The following AFG3L2 variants were observed in gnomAD, a reference collection of about 807,000 sequenced individuals.
The protein encoded by AFG3L2 is AFG3 like matrix AAA peptidase subunit 2.
Under a neutral mutation model 94.5 loss-of-function variants are expected in AFG3L2, and 54 were observed. The ratio of observed to expected loss-of-function variants is 0.57; its 90% CI spans 0.46 to 0.72. AFG3L2 has a LOEUF of 0.72. Ranked by LOEUF, AFG3L2 falls within the 30% of genes least tolerant of loss-of-function variation. The probability of loss-of-function intolerance (pLI) is 0.00; values close to 1 mark genes in which losing one functional copy is unlikely to be tolerated. For missense variants in AFG3L2, 754 were observed against 994.9 expected, an observed-to-expected ratio of 0.76 and a Z score of 3.26; for synonymous variants, 377 against 365.5, an observed-to-expected ratio of 1.03 and a Z score of -0.36.
rs1326739182 is a variant in AFG3L2, at chr18:12,366,968, T to C, written c.549A>G (p.Gly183=). The C allele has an allele frequency of 1.2e-6, 2 of 1,614,068 alleles. No individual in the cohort carries two copies. The highest frequency in any genetic ancestry group is 1.7e-6 in the Non-Finnish European group (2 of 1,180,022). The part of the protein sequence containing the change: ...KDFVNNYLSK[G]VVDRLEVVNK... ...ACCAATCCCATAAAATACTTACTAC[T>C]CCTTTTGAAAGATAGTTATTGACAA... The change falls in exon 5 of 17, where the codon GGA becomes GGG. Residue 183 remains glycine, a synonymous_variant. Transcript: ENST00000269143.
intron 16 of AFG3L2, among the ~76,000 whole-genome samples, chr18:12,332,082 A>G (rs1390877352): frequency 2.0e-5 from 3 of 151,904 alleles, no homozygotes; most frequent in Admixed American, 6.6e-5. Context: ...TAGTGTAAAG[A>G]AAATTAAGCA....
chr18:12,359,124 T>C (rs566286009), intron 7 of AFG3L2, among the ~76,000 whole-genome samples, 181 bp from the exon 8 acceptor site: 1 of 152,348 alleles, frequency 6.6e-6, no homozygotes, highest in African/African-American at 2.4e-5. Flanking sequence ...ATAAGCTCCA[T>C]GGCAACCAAC....
chr18:12,372,170 G>A (rs1302447034), intron 1 of AFG3L2, among the ~76,000 whole-genome samples: 1 of 152,120 alleles, frequency 6.6e-6, no homozygotes, highest in Admixed American at 6.5e-5. Flanking sequence ...CAGGCACAGT[G>A]GCAGGTGCCT....
chr18:12,376,499 C>T (rs1236901184), intron 1 of AFG3L2, among the ~76,000 whole-genome samples: 1 of 152,206 alleles, frequency 6.6e-6, no homozygotes, highest in Non-Finnish European at 1.5e-5. Context: ...ATAGCTAATA[C>T]TGCCAGTCCT....
intron 12 of AFG3L2, among the ~76,000 whole-genome samples, chr18:12,349,634 A>C (rs540060204): frequency 2.0e-5 from 3 of 152,324 alleles, no homozygotes; most frequent in Admixed American, 6.5e-5. Context: ...TTAAGTGAAC[A>C]TAAACCAGGC....
At chr18:12,339,954 A>G (rs1907892885) in intron 15 of AFG3L2, among the ~76,000 whole-genome samples, 1 of 152,128 alleles carries the variant, frequency 6.6e-6, no homozygotes, top group South Asian at 2.1e-4. Flanking sequence ...CAGGAGGCAG[A>G]GGTTGCAGTG....
At chr18:12,332,836 AC>A (rs1907579244) in intron 16 of AFG3L2, among the ~76,000 whole-genome samples, 1 of 9,228 alleles carries the variant, frequency 1.1e-4, no homozygotes, top group South Asian at 1.6e-3. Flanking sequence ...ATTTGCTTAT[AC>A]ACACACACAC....
intron 13 of AFG3L2, 112 bp downstream of exon 13, chr18:12,348,161 G>C: frequency 1.1e-6 from 1 of 887,060 alleles, no homozygotes. Context: ...GTGGGCCCCA[G>C]GGCTGAGTGG....
In AFG3L2 at chr18:12,370,843, AG is replaced by A. The variant is rs778883219; in HGVS notation, c.292+5del. ...AAAATTCAAATATAATATTGTCAAA[AG>A]GTACCTTTTTTCTCTCCCATAACTT... On this transcript the variant is annotated splice_donor_5th_base_variant and intron_variant, in intron 3 of 16. Coordinates refer to ENST00000269143, the MANE Select transcript of AFG3L2 (RefSeq NM_006796.3). The A allele has an allele frequency of 1.9e-6, 3 of 1,557,348 alleles. No individual in the cohort carries two copies. The highest frequency in any genetic ancestry group is 2.7e-6 in the Non-Finnish European group (3 of 1,131,430).
rs781129886 is a variant in AFG3L2, at chr18:12,329,650, G to A, written c.2309C>T (p.Thr770Ile). 1.2e-6 allele frequency: 2 copies of A among 1,614,034 alleles called. No individual in the cohort carries two copies. The highest frequency in any genetic ancestry group is 1.7e-6 in the Non-Finnish European group (2 of 1,180,050). The change falls in exon 17 of 17, where the codon ACC becomes ATC. Residue 770 changes from threonine (T) to isoleucine (I), a missense_variant. Transcript: ENST00000269143. ...VEGTGSLDED[T>I]SLPEGLKDWN... is the part of the protein sequence containing the mutation. ...GTCCTTAAGGCCTTCTGGAAGTGAG[G>A]TGTCCTCATCCAAGCTGCCAGTGCC...
chr18:12,357,109 T>C (rs1157727234), intron 8 of AFG3L2, among the ~76,000 whole-genome samples: 1 of 152,216 alleles, frequency 6.6e-6, no homozygotes, highest in East Asian at 1.9e-4. Flanking sequence ...TCTAACAGTA[T>C]GTAAAGGGTG....
intron 8 of AFG3L2, among the ~76,000 whole-genome samples, 177 bp downstream of exon 8, chr18:12,358,493 A>T (rs1016913573): frequency 2.6e-5 from 4 of 152,202 alleles, no homozygotes; most frequent in African/African-American, 9.7e-5. Context: ...TATACAAGAC[A>T]CATGCACACA....
At position 12,337,378 on chromosome 18, in the gene AFG3L2, A is replaced by C. The variant is rs1178428398; in HGVS notation, c.2138T>G (p.Val713Gly). 1 of 1,614,044 alleles carries C rather than the reference A, an allele frequency of 6.2e-7. No homozygotes were observed. The highest frequency in any genetic ancestry group is 1.3e-5 in the African/African-American group (1 of 74,922). Residue 713 changes from valine (V) to glycine (G), a missense_variant, in exon 16 of 17, where the codon GTA becomes GGA. Val to Gly is a moderately radical substitution (Grantham distance 109). Transcript: ENST00000269143. ...ILINDAYKRT[V>G]ALLTEKKADV... The stretch of plus-strand genomic sequence containing the variant: ...AGCTTTCTTTTCTGTGAGAAGAGCT[A>C]CTGTTCTTTTATAAGCATCATTAAT...
chr18:12,339,146 C>A (rs1414449479), intron 15 of AFG3L2, among the ~76,000 whole-genome samples: 1 of 137,262 alleles, frequency 7.3e-6, no homozygotes, highest in East Asian at 2.2e-4. Context: ...GAGGCTGAGG[C>A]AGGAGAATGG....
intron 12 of AFG3L2, 139 bp downstream of exon 12, chr18:12,350,946 C>CA (rs543323198): frequency 1.4e-4 from 166 of 1,184,838 alleles, no homozygotes; most frequent in Non-Finnish European, 1.7e-4. Context: ...GACCCTGTCT[C>CA]AAAAAAAATA....
intron 16 of AFG3L2, among the ~76,000 whole-genome samples, chr18:12,330,017 C>A (rs539425188): frequency 6.6e-6 from 1 of 152,334 alleles, no homozygotes; most frequent in South Asian, 2.1e-4. Flanking sequence ...CACATCTGCA[C>A]AATGAATGCT....
At chr18:12,367,897 G>T (rs576027894) in intron 3 of AFG3L2, among the ~76,000 whole-genome samples, 1 of 152,156 alleles carries the variant, frequency 6.6e-6, no homozygotes, top group East Asian at 1.9e-4. Flanking sequence ...GGCCGGGCGC[G>T]GTGGTTCACG....
chr18:12,352,421 G>A (rs2143169308), intron 10 of AFG3L2, among the ~76,000 whole-genome samples: 1 of 152,288 alleles, frequency 6.6e-6, no homozygotes, highest in East Asian at 1.9e-4. Flanking sequence ...CCAGCAGGAA[G>A]AACACATGAC....
chr18:12,337,544 T>C lies in AFG3L2; in HGVS notation c.1981-9A>G, dbSNP rs372474370. On this transcript the variant is annotated splice_polypyrimidine_tract_variant and intron_variant, in intron 15 of 16. Transcript: ENST00000269143. Reference sequence around the variant, plus strand: ...ATGCCAAACTGAACAATCTGAAAAATACATAATTAGTGGTGATTACATATG... The same window carrying C: ...ATGCCAAACTGAACAATCTGAAAAACACATAATTAGTGGTGATTACATATG... 49 of 1,613,532 alleles carry C rather than the reference T, an allele frequency of 3.0e-5. No homozygotes were observed. Among genetic ancestry groups the C allele is most frequent in the Non-Finnish European group, 4.1e-5 (48 of 1,179,546 alleles).
Sources: gnomAD v4.1 joint callset for allele counts (sites outside exome capture counted in the v4.1 genomes callset) on GRCh38, gnomAD v4.1.1 for gene constraint, MANE v1.5 for transcripts, NCBI Gene and HGNC (gene_info 2026-07-23, HGNC 2026-07-21) for gene names.